AKAP12: variants seen among roughly 807,000 people sequenced by gnomAD.
The protein encoded by AKAP12 is A-kinase anchoring protein 12.
In AKAP12, 32 loss-of-function variants were observed where a neutral mutation model predicts 79.9. The ratio of observed to expected loss-of-function variants is 0.40; its 90% CI spans 0.30 to 0.54. The LOEUF (loss-of-function observed/expected upper bound fraction) is 0.54. AKAP12 is among the 20% of genes least tolerant of loss of function. The pLI, the probability that AKAP12 is intolerant of heterozygous loss-of-function variation, is 0.48. For missense variants in AKAP12, 2,074 were observed against 2,177.0 expected (o/e 0.95, Z 0.94); for synonymous variants, 808 against 857.0 (o/e 0.94, Z 1.00).
chr6:151,341,738 A>T, intron 3 of AKAP12: 3 of 1,278,994 alleles, frequency 2.3e-6, no homozygotes, highest in Non-Finnish European at 3.0e-6. Context: ...GATGGCGGAC[A>T]CGGAATCCCG....
At chr6:151,305,703 A>G in intron 2 of AKAP12, 44 bp from the exon 3 acceptor site, 1 of 1,564,938 alleles carries the variant, frequency 6.4e-7, no homozygotes, top group Non-Finnish European at 8.7e-7. Flanking sequence ...TGACTTGGTC[A>G]TGAGGACTGA....
chr6:151,296,157 A>G (rs1286652422), intron 2 of AKAP12, among the ~76,000 whole-genome samples: 2 of 152,162 alleles, frequency 1.3e-5, no homozygotes, highest in African/African-American at 2.4e-5. Flanking sequence ...CCTGAGGAAA[A>G]CTGGCAGCAG....
At chr6:151,244,302 A>G (rs1417962745) in intron 2 of AKAP12, among the ~76,000 whole-genome samples, 1 of 152,244 alleles carries the variant, frequency 6.6e-6, no homozygotes, top group African/African-American at 2.4e-5. Context: ...AGGCAGGCAG[A>G]TCACAAAGTC....
intron 3 of AKAP12, among the ~76,000 whole-genome samples, chr6:151,329,922 T>A (rs574122811): frequency 5.3e-5 from 8 of 152,360 alleles, no homozygotes; most frequent in Admixed American, 2.0e-4. Context: ...TAGAGTACCT[T>A]GCAAAAGACC....
At chr6:151,265,198 C>T (rs1389018660) in intron 2 of AKAP12, among the ~76,000 whole-genome samples, 3 of 144,590 alleles carry the variant, frequency 2.1e-5, no homozygotes, top group African/African-American at 5.1e-5. Flanking sequence ...TAAATTTATA[C>T]ATGTAAATCA....
intron 2 of AKAP12, among the ~76,000 whole-genome samples, chr6:151,258,297 C>T (rs4869723): frequency 0.49 from 75,085 of 152,050 alleles, 18,977 homozygotes; most frequent in African/African-American, 0.57. Flanking sequence ...GGAAATGTCA[C>T]GAGTTTGTTG....
chr6:151,314,501 C>T (rs1032551314), intron 3 of AKAP12, among the ~76,000 whole-genome samples: 5 of 152,188 alleles, frequency 3.3e-5, no homozygotes, highest in African/African-American at 9.6e-5. Context: ...CTCATCCCCC[C>T]ATATGTGTTC....
At chr6:151,340,735 T>C (rs1384020174) in intron 3 of AKAP12, among the ~76,000 whole-genome samples, 1 of 151,954 alleles carries the variant, frequency 6.6e-6, no homozygotes, top group Non-Finnish European at 1.5e-5. Context: ...CACCATGCCT[T>C]GGCCATTGCC....
At chr6:151,322,143 C>T (rs192055400) in intron 3 of AKAP12, among the ~76,000 whole-genome samples, 25 of 152,014 alleles carry the variant, frequency 1.6e-4, no homozygotes, top group Admixed American at 3.3e-4. Context: ...CTCCTGATCT[C>T]GTGATCTGCC....
Position 151,346,445 on chromosome 6 carries a change from A to G in AKAP12, c.320-2266A>G, listed in dbSNP as rs112831826. On this transcript the variant is annotated intron_variant, in intron 3 of 4. Transcript: ENST00000402676. Reference sequence around the variant, plus strand: ...TGCTGGATTTTCATCCTTCTGTGACATTGACATTTCAGGCCAGGCTAGTTG... The same window carrying G: ...TGCTGGATTTTCATCCTTCTGTGACGTTGACATTTCAGGCCAGGCTAGTTG... 3.5e-3 allele frequency among the ~76,000 whole-genome samples: 533 copies of G among 152,308 alleles called. 3 individuals carry two copies. Among genetic ancestry groups the G allele is most frequent in the African/African-American group, 0.012 (519 of 41,550 alleles).
chr6:151,337,524 A>AAAAAAAAAAAAAAAAAAG (rs535027217), intron 3 of AKAP12, among the ~76,000 whole-genome samples: 4 of 129,782 alleles, frequency 3.1e-5, no homozygotes, highest in African/African-American at 1.0e-4. Context: ...AAAAAAAAAA[A>AAAAAAAAAAAAAAAAAAG]AAAGAAAGAA....
rs1249450389 is a variant in AKAP12 at position 151,352,529 on chromosome 6, G to A, written c.4138G>A (p.Val1380Met). Reference sequence around the variant, plus strand: ...TAAGCAGCTCCTCCAGACAGTGAATGTGCCCATCATAGATGGGGCAAAGGA... The same window carrying A: ...TAAGCAGCTCCTCCAGACAGTGAATATGCCCATCATAGATGGGGCAAAGGA... ...VSKQLLQTVN[V>M]PIIDGAKEVS... The change falls in exon 4 of 5, where the codon GTG becomes ATG. Residue 1380 changes from valine (V) to methionine (M), a missense_variant. Transcript: ENST00000402676. The A allele has an allele frequency of 1.2e-6, 2 of 1,614,068 alleles. No homozygotes were observed. Among genetic ancestry groups the A allele is most frequent in the African/African-American group, 2.7e-5 (2 of 74,918 alleles).
At chr6:151,241,795 T>C (rs928231797) in intron 2 of AKAP12, among the ~76,000 whole-genome samples, 2 of 145,666 alleles carry the variant, frequency 1.4e-5, no homozygotes, top group African/African-American at 5.1e-5. Flanking sequence ...GTACGTGAGT[T>C]ATCGCAGGAG....
chr6:151,248,760 C>T (rs1239385606), intron 2 of AKAP12, among the ~76,000 whole-genome samples: 2 of 152,060 alleles, frequency 1.3e-5, no homozygotes, highest in African/African-American at 2.4e-5. Context: ...GAGGCCGAGG[C>T]GGGCGGATCA....
intron 3 of AKAP12, among the ~76,000 whole-genome samples, chr6:151,317,425 A>AAACATCT (rs1042057605): frequency 6.6e-6 from 1 of 152,210 alleles, no homozygotes; most frequent in Non-Finnish European, 1.5e-5. Flanking sequence ...TCTCTAGGCA[A>AAACATCT]AACATCTCCC....
chr6:151,325,102 G>C (rs1777490162), intron 3 of AKAP12: 1 of 985,452 alleles, frequency 1.0e-6, no homozygotes, highest in Non-Finnish European at 1.2e-6. Context: ...ACTTCTGAGA[G>C]CCCTTCTCAA....
At chr6:151,293,128 G>C (rs1017748278) in intron 2 of AKAP12, among the ~76,000 whole-genome samples, 9 of 152,184 alleles carry the variant, frequency 5.9e-5, no homozygotes, top group Non-Finnish European at 5.9e-5. Flanking sequence ...GGCACACAGT[G>C]GATTTCAAAA....
chr6:151,330,315 G>C (rs1188191288), intron 3 of AKAP12, among the ~76,000 whole-genome samples: 12 of 152,076 alleles, frequency 7.9e-5, no homozygotes, highest in Non-Finnish European at 1.5e-4. Flanking sequence ...AACACACCAG[G>C]TCCAATGATG....
chr6:151,259,498 A>ATG (rs1470589517), intron 2 of AKAP12, among the ~76,000 whole-genome samples: 4 of 81,346 alleles, frequency 4.9e-5, no homozygotes, highest in African/African-American at 1.7e-4. Context: ...ACACATATAC[A>ATG]TGTATATATA....
Sources: allele counts gnomAD v4.1 joint callset (sites outside exome capture counted in the v4.1 genomes callset), GRCh38; gene constraint gnomAD v4.1.1; transcripts MANE v1.5; gene names NCBI Gene and HGNC (gene_info 2026-07-23, HGNC 2026-07-21).